The following SNRPN variants were observed in gnomAD, a reference collection of about 807,000 sequenced individuals.
SNRPN encodes the protein small nuclear ribonucleoprotein-associated protein N.
Under a neutral mutation model 25.2 loss-of-function variants are expected in SNRPN, and 7 were observed. The ratio of observed to expected loss-of-function variants is 0.28; its 90% confidence interval spans 0.16 to 0.52. The LOEUF (loss-of-function observed/expected upper bound fraction) is 0.52, where lower values mean the gene tolerates loss of function less well. Ranked by LOEUF, SNRPN falls within the 20% of genes least tolerant of loss-of-function variation. SNRPN has a pLI of 0.96. For missense variants in SNRPN, 196 were observed against 322.5 expected, an observed-to-expected ratio of 0.61 and a Z score of 3.00; for synonymous variants, 124 against 110.6, an observed-to-expected ratio of 1.12 and a Z score of -0.76.
chr15:24,939,659 C>T (rs1050834091), intron 3 of SNRPN, among the ~76,000 whole-genome samples: 7 of 151,762 alleles, frequency 4.6e-5, no homozygotes, highest in Non-Finnish European at 1.0e-4. Flanking sequence ...TCTCGAACTC[C>T]TGACTTCGAA....
At chr15:24,919,442 A>AAAAAAT in intron 2 of SNRPN, among the ~76,000 whole-genome samples, 1 of 151,400 alleles carries the variant, frequency 6.6e-6, no homozygotes, top group East Asian at 1.9e-4. Context: ...AAAAAAAAAA[A>AAAAAAT]AAAATATTCA....
chr15:24,837,803 C>T (rs4641719), intron 2 of SNRPN, among the ~76,000 whole-genome samples: 5 of 151,860 alleles, frequency 3.3e-5, no homozygotes, highest in African/African-American at 4.8e-5. Flanking sequence ...TGGCTCACTG[C>T]AACCTCCGCC....
intron 1 of SNRPN, among the ~76,000 whole-genome samples, chr15:24,956,637 T>C (rs1309841262): frequency 6.6e-6 from 1 of 152,154 alleles, no homozygotes; most frequent in South Asian, 2.1e-4. Context: ...CTGGAAGGAA[T>C]GGCAGCCCTC....
At chr15:24,926,605 A>G (rs1188751453) in intron 3 of SNRPN, among the ~76,000 whole-genome samples, 3 of 147,878 alleles carry the variant, frequency 2.0e-5, no homozygotes, top group African/African-American at 5.1e-5. Context: ...TTGTAAGTAC[A>G]TACATGGATT....
At chr15:24,873,516 T>C (rs929891542) in intron 1 of SNRPN, among the ~76,000 whole-genome samples, 19 of 148,326 alleles carry the variant, frequency 1.3e-4, no homozygotes, top group East Asian at 4.1e-4. Flanking sequence ...GGTGCAATCT[T>C]GGCTCACTGC....
intron 1 of SNRPN, among the ~76,000 whole-genome samples, chr15:24,867,178 A>C (rs1447623455): frequency 6.6e-6 from 1 of 152,036 alleles, no homozygotes; most frequent in African/African-American, 2.4e-5. Context: ...TGGTAGTTCT[A>C]TTTTTAATTT....
intron 2 of SNRPN, among the ~76,000 whole-genome samples, chr15:24,840,186 C>T (rs915635885): frequency 2.0e-5 from 3 of 151,974 alleles, no homozygotes; most frequent in Non-Finnish European, 1.5e-5. Flanking sequence ...GATGAAACCC[C>T]ATCTCTACTA....
intron 2 of SNRPN, among the ~76,000 whole-genome samples, chr15:24,840,083 C>A (rs527743382): frequency 6.6e-6 from 1 of 152,250 alleles, no homozygotes; most frequent in Admixed American, 6.5e-5. Flanking sequence ...ATAGGCCGGG[C>A]GTGGTGGCTC....
intron 3 of SNRPN, among the ~76,000 whole-genome samples, chr15:24,923,765 G>C (rs899764942): frequency 6.6e-6 from 1 of 151,986 alleles, no homozygotes; most frequent in Non-Finnish European, 1.5e-5. Context: ...GACAAGTCAG[G>C]ATGGTGGTTA....
At position 24,967,926 on chromosome 15, in the gene SNRPN, T is replaced by C; in HGVS notation, c.-294-6T>C. The C allele has an allele frequency of 6.2e-7, 1 of 1,612,822 alleles. No homozygotes were observed. Among genetic ancestry groups the C allele is most frequent in the Non-Finnish European group, 8.5e-7 (1 of 1,178,930 alleles). ...ATCATTTATATATATTGTGCTCTTG[T>C]TGTAGGTGTCAGTTGTACCCGAGGC... On this transcript the variant is annotated splice_region_variant and splice_polypyrimidine_tract_variant and intron_variant, in intron 2 of 9. Coordinates refer to ENST00000390687, the MANE Select transcript of SNRPN (RefSeq NM_003097.6).
chr15:24,848,246 C>T (rs190093151), intron 2 of SNRPN: 17 of 37,188 alleles, frequency 4.6e-4, no homozygotes, highest in African/African-American at 1.2e-3. Context: ...GCGGGGGCGG[C>T]GGCGGGGGCG....
intron 1 of SNRPN, among the ~76,000 whole-genome samples, chr15:24,867,460 C>T (rs561445246): frequency 3.2e-4 from 48 of 151,364 alleles, no homozygotes; most frequent in Middle Eastern, 3.4e-3. Context: ...CTGCAAGCTC[C>T]GCCTCCCTGG....
chr15:24,963,620 A>G (rs1227806962), intron 2 of SNRPN, among the ~76,000 whole-genome samples: 1 of 151,900 alleles, frequency 6.6e-6, no homozygotes, highest in African/African-American at 2.4e-5. Context: ...ATCTCAGGAA[A>G]AAAAAAAAAA....
intron 2 of SNRPN, among the ~76,000 whole-genome samples, chr15:24,902,669 A>T (rs993979901): frequency 6.6e-6 from 1 of 152,148 alleles, no homozygotes; most frequent in Admixed American, 6.5e-5. Context: ...TGACTTCAGG[A>T]GTGAAGCCAC....
chr15:24,909,586 A>C, intron 2 of SNRPN: 3 of 1,292,600 alleles, frequency 2.3e-6, no homozygotes, highest in Non-Finnish European at 3.3e-6. Flanking sequence ...GTTCGTGTGC[A>C]TATGCTGTGC....
At chr15:24,877,081 G>A (rs1325087113) in intron 1 of SNRPN, among the ~76,000 whole-genome samples, 1 of 152,104 alleles carries the variant, frequency 6.6e-6, no homozygotes, top group African/African-American at 2.4e-5. Context: ...AAATATATGG[G>A]GTTTAGGTTC....
chr15:24,955,202 G>C (rs1398848167), intron 1 of SNRPN, 140 bp downstream of exon 1: 15 of 1,175,528 alleles, frequency 1.3e-5, no homozygotes, highest in Non-Finnish European at 1.9e-5. Flanking sequence ...TGGAGAACCA[G>C]ATCCGGAATG....
At chr15:24,851,052 C>CT (rs2052775163) in intron 2 of SNRPN, 1 of 152,064 alleles carries the variant, frequency 6.6e-6, no homozygotes, top group African/African-American at 2.4e-5. Flanking sequence ...TCCCATGTAG[C>CT]TGGGACCACA....
intron 2 of SNRPN, among the ~76,000 whole-genome samples, chr15:24,831,029 G>T (rs976751205): frequency 3.3e-5 from 5 of 151,974 alleles, no homozygotes; most frequent in Non-Finnish European, 4.4e-5. Context: ...AGTGTTGAAA[G>T]TCTCCAACGA....
Sources: allele counts gnomAD v4.1 joint callset (sites outside exome capture counted in the v4.1 genomes callset), GRCh38; gene constraint gnomAD v4.1.1; transcripts MANE v1.5; gene names NCBI Gene and HGNC (gene_info 2026-07-23, HGNC 2026-07-21).